ARL13A: variants seen among roughly 807,000 people sequenced by gnomAD.
ARL13A encodes the protein ARF like GTPase 13A.
In ARL13A, 16 loss-of-function variants were observed where a neutral mutation model predicts 19.1. That is an observed-to-expected ratio of 0.84 (90% CI 0.57 to 1.27). The LOEUF is 1.27. Ranked by LOEUF, ARL13A falls within the 50% of genes most tolerant of loss-of-function variation. The pLI, the probability that ARL13A is intolerant of heterozygous loss-of-function variation, is 0.00. For synonymous variants in ARL13A, 69 were observed against 71.3 expected, an observed-to-expected ratio of 0.97 and a Z score of 0.17; for missense variants, 153 against 186.4, an observed-to-expected ratio of 0.82 and a Z score of 1.04.
Position 100,986,816 on chromosome X carries a change from A to G in ARL13A, c.401A>G (p.Lys134Arg). 1.7e-6 allele frequency: 2 copies of G among 1,200,495 alleles called. No individual in the cohort carries two copies. Among genetic ancestry groups the G allele is most frequent in the African/African-American group, 1.7e-5 (1 of 57,482 alleles). ...TTTAGTTTAGCAAACAAACAAGACA[A>G]GAAGAAAGCCCTCATGCCTTGTGAT... ...PILILANKQD[K>R]KKALMPCDII... Residue 134 changes from lysine to arginine, a missense_variant, in exon 5 of 8, where the codon AAG (lysine) becomes AGG (arginine). Transcript: ENST00000450049.
intron 3 of ARL13A, among the ~76,000 whole-genome samples, chrX:100,977,944 T>A (rs1477609084): frequency 8.9e-6 from 1 of 112,267 alleles, no homozygotes; most frequent in East Asian, 2.8e-4. Flanking sequence ...TCTGGGCTAT[T>A]GTGAACAGTG....
At chrX:100,974,008 ACATG>A in intron 2 of ARL13A, 115 bp from the exon 3 acceptor site, 1 of 613,737 alleles carries the variant, frequency 1.6e-6, no homozygotes, top group Non-Finnish European at 2.6e-6. Flanking sequence ...CTTTTATGGT[ACATG>A]CATTGAGATT....
At chrX:100,980,889 G>A (rs980413957) in intron 3 of ARL13A, among the ~76,000 whole-genome samples, 1 of 111,699 alleles carries the variant, frequency 9.0e-6, no homozygotes, top group Non-Finnish European at 1.9e-5. Context: ...AAATGTCATC[G>A]GGGAGCCATG....
intron 7 of ARL13A, 132 bp downstream of exon 7, chrX:100,988,415 C>A: frequency 8.3e-7 from 1 of 1,203,394 alleles, no homozygotes; most frequent in South Asian, 1.8e-5. Flanking sequence ...AAGAATATGT[C>A]AGTAACATTT....
chrX:100,989,800 G>A (rs2085994924), intron 7 of ARL13A, among the ~76,000 whole-genome samples: 1 of 111,437 alleles, frequency 9.0e-6, no homozygotes, highest in Non-Finnish European at 1.9e-5. Flanking sequence ...AAGGGACATG[G>A]CCTTTTATAT....
chrX:100,985,763 T>TGAA lies in ARL13A; in HGVS notation c.229_231dup (p.Lys77dup), dbSNP rs773977308. 3.0e-5 allele frequency: 36 copies of TGAA among 1,211,539 alleles called. No individual in the cohort carries two copies. The East Asian group carries it at 1.1e-3, about 36-fold the overall frequency. On this transcript the variant is annotated inframe_insertion, in exon 4 of 8. Transcript: ENST00000450049. Reference sequence around the variant, plus strand: ...TCCATCTATGACCTGAATGGAGACCTGAAGGGCCGGGAAGCATGGCCAAAC... The same window carrying TGAA: ...TCCATCTATGACCTGAATGGAGACCTGAAGAAGGGCCGGGAAGCATGGCCAAAC...
At chrX:100,981,019 G>C (rs1486768655) in intron 3 of ARL13A, among the ~76,000 whole-genome samples, 1 of 111,944 alleles carries the variant, frequency 8.9e-6, no homozygotes, top group Non-Finnish European at 1.9e-5. Flanking sequence ...GCTGCAAGCT[G>C]TGCTGCCCGG....
intron 3 of ARL13A, among the ~76,000 whole-genome samples, chrX:100,976,204 C>G: frequency 9.1e-6 from 1 of 109,623 alleles, no homozygotes; most frequent in Middle Eastern, 4.7e-3. Flanking sequence ...TCCCTTTAGT[C>G]TCGGTGGGCC....
At chrX:100,974,046 T>C (rs1018705650) in intron 2 of ARL13A, 81 bp from the exon 3 acceptor site, 1 of 802,990 alleles carries the variant, frequency 1.2e-6, no homozygotes, top group Non-Finnish European at 1.8e-6. Flanking sequence ...TCCCAAACAA[T>C]AAGGAAGAGT....
intron 3 of ARL13A, among the ~76,000 whole-genome samples, chrX:100,980,682 G>A (rs1374020514): frequency 8.9e-6 from 1 of 111,936 alleles, no homozygotes; most frequent in Non-Finnish European, 1.9e-5. Context: ...CACCACTGCT[G>A]AAAATGTGCT....
At chrX:100,988,543 G>T (rs201749068) in intron 7 of ARL13A, 116 of 1,085,277 alleles carry the variant, frequency 1.1e-4, no homozygotes, top group Admixed American at 1.8e-4. Context: ...ATATGCTGAT[G>T]ACAATATTTT....
At chrX:100,974,291 C>A (rs1335597747) in intron 3 of ARL13A, 94 bp downstream of exon 3, 8 of 621,131 alleles carry the variant, frequency 1.3e-5, no homozygotes, top group Non-Finnish European at 1.8e-5. Context: ...TACTTCATGG[C>A]CCTCAATTTC....
chrX:100,986,704 TCTC>T (rs765092307), intron 4 of ARL13A, 89 bp from the exon 5 acceptor site: 24 of 525,577 alleles, frequency 4.6e-5, no homozygotes, highest in Non-Finnish European at 6.5e-5. Context: ...TAGAATTTGT[TCTC>T]CTCCTCTTTC....
chrX:100,970,064 G>C (rs1321235830), intron 1 of ARL13A, among the ~76,000 whole-genome samples: 1 of 112,247 alleles, frequency 8.9e-6, no homozygotes, highest in Non-Finnish European at 1.9e-5. Flanking sequence ...CATCAAGTTA[G>C]AAGGCTCTGC....
At chrX:100,987,590 G>A in intron 6 of ARL13A, 34 bp downstream of exon 6, 1 of 1,197,112 alleles carries the variant, frequency 8.4e-7, no homozygotes, top group Non-Finnish European at 1.1e-6. Flanking sequence ...TTGCTGATAA[G>A]AAAAGCTGCA....
At chrX:100,985,319 A>T (rs931384186) in intron 3 of ARL13A, among the ~76,000 whole-genome samples, 10 of 111,092 alleles carry the variant, frequency 9.0e-5, no homozygotes, top group Non-Finnish European at 1.5e-4. Context: ...TTAGGAGGTG[A>T]AGGAGTCTGT....
intron 1 of ARL13A, among the ~76,000 whole-genome samples, chrX:100,972,672 CCA>C (rs1237516285): frequency 3.4e-4 from 2 of 5,803 alleles, no homozygotes; most frequent in East Asian, 6.8e-3. Context: ...GGGCTGACCC[CCA>C]CCCACCTCCC....
At chrX:100,985,952 C>T in intron 4 of ARL13A, 36 bp downstream of exon 4, 1 of 1,179,017 alleles carries the variant, frequency 8.5e-7, no homozygotes, top group Non-Finnish European at 1.1e-6. Flanking sequence ...TTCTGCTTCC[C>T]AATTTGTACC....
rs1271417366 is a variant in ARL13A, at chrX:100,974,356, ATCTCTCTCTGTC to A, written c.130+169_130+180del. ...ACACACGCACACACACACATACTCTATCTCTCTCTGTCTCTCTCTCTCTCTCTCCCCCTTCCC... is the reference window on the plus strand; with the variant it reads ...ACACACGCACACACACACATACTCTATCTCTCTCTCTCTCTCCCCCTTCCC... On this transcript the variant is annotated intron_variant, in intron 3 of 7. Coordinates refer to ENST00000450049, the MANE Select transcript of ARL13A (RefSeq NM_001162491.2). 5.9e-5 allele frequency among the ~76,000 whole-genome samples: 6 copies of A among 101,039 alleles called. No individual in the cohort carries two copies. The East Asian group carries it at 2.0e-3, about 34-fold the overall frequency. The allele number at this position is 101,039 out of a possible 115,157, so 87.7% of individuals were successfully genotyped here.
Sources: gnomAD v4.1 joint callset for allele counts (sites outside exome capture counted in the v4.1 genomes callset) on GRCh38, gnomAD v4.1.1 for gene constraint, MANE v1.5 for transcripts, NCBI Gene and HGNC (gene_info 2026-07-23, HGNC 2026-07-21) for gene names.